Variants in TSPAN8 observed in about 807,000 individuals in gnomAD.
The protein encoded by TSPAN8 is tetraspanin-8.
Under a neutral mutation model 32.8 loss-of-function variants are expected in TSPAN8, and 21 were observed. That is an observed-to-expected ratio of 0.64 (90% CI 0.45 to 0.92). The LOEUF is 0.92. TSPAN8 is among the 40% of genes least tolerant of loss of function. TSPAN8 has a pLI of 0.00. For missense variants in TSPAN8, 269 were observed against 281.9 expected (o/e 0.95, Z 0.33); for synonymous variants, 95 against 94.6 (o/e 1.00, Z -0.03).
In TSPAN8 at chr12:71,139,814, T is replaced by C. The variant is rs966978961; in HGVS notation, c.158A>G (p.Tyr53Cys). ...AGCAATCAATATGTCCACAGCAACGTAGGAGCTAGAGCCTACATCTTCAGA... is the reference window on the plus strand; with the variant it reads ...AGCAATCAATATGTCCACAGCAACGCAGGAGCTAGAGCCTACATCTTCAGA... ...FGSEDVGSSS[Y>C]VAVDILIAVG... The change falls in exon 4 of 9, where the codon TAC becomes TGC. Residue 53 changes from tyrosine to cysteine, a missense_variant. Physicochemically the swap from Tyr to Cys is radical, Grantham distance 194. Coordinates refer to ENST00000247829, the MANE Select transcript of TSPAN8 (RefSeq NM_004616.3). 4 of 1,613,682 alleles carry C rather than the reference T, an allele frequency of 2.5e-6. No individual in the cohort carries two copies. The African/African-American group carries it at 5.3e-5, about 22-fold the overall frequency.
intron 2 of TSPAN8, 80 bp from the exon 3 acceptor site, chr12:71,144,293 G>A (rs548819944): frequency 2.5e-4 from 324 of 1,280,940 alleles, no homozygotes; most frequent in African/African-American, 5.1e-4. Flanking sequence ...CTATCTATCC[G>A]GTGACAGTAG....
chr12:71,136,360 T>A (rs1565784613), intron 6 of TSPAN8, among the ~76,000 whole-genome samples: 1 of 152,318 alleles, frequency 6.6e-6, no homozygotes, highest in East Asian at 1.9e-4. Context: ...ATTAGTAAAC[T>A]TTCACCTCTT....
In TSPAN8 at chr12:71,125,232, C is replaced by A; in HGVS notation, c.*102G>T. ...AGCTAGCCGAGACATTTTAAAAAGA[C>A]AGCTGCTCCTGACTTATATAGCACT... On this transcript the variant is annotated 3_prime_UTR_variant, in exon 9 of 9. Transcript: ENST00000247829. 1.0e-6 allele frequency: 1 copy of A among 954,910 alleles called. No homozygotes were observed. Among genetic ancestry groups the A allele is most frequent in the Non-Finnish European group, 1.6e-6 (1 of 626,332 alleles). The allele number at this position is 954,910 out of a possible 1,614,324, so 59.2% of individuals were successfully genotyped here. A position where few individuals can be genotyped will look rare whatever the true frequency, so the allele number is the denominator to read the frequency against.
chr12:71,138,135 T>G (rs751423068), intron 5 of TSPAN8, 21 bp downstream of exon 5: 3 of 1,611,428 alleles, frequency 1.9e-6, no homozygotes, highest in Non-Finnish European at 2.5e-6. Flanking sequence ...CTTCAAAATT[T>G]TCAAACATCT....
intron 3 of TSPAN8, among the ~76,000 whole-genome samples, chr12:71,143,140 G>C (rs1358910898): frequency 6.6e-6 from 1 of 152,218 alleles, no homozygotes; most frequent in Non-Finnish European, 1.5e-5. Context: ...AGCAGTAGAA[G>C]AGGTGATCCT....
rs1190687236 is a variant in TSPAN8, at chr12:71,144,063, T to C, written c.123+88A>G. On this transcript the variant is annotated intron_variant, in intron 3 of 8. Transcript: ENST00000247829. The stretch of plus-strand genomic sequence containing the variant: ...GCAGTTAAGAAAAATGTTTTAGACA[T>C]GTTTATTACTATTATTGTTATAACT... The C allele has an allele frequency of 1.1e-5, 13 of 1,158,868 alleles. No individual in the cohort carries two copies. In the East Asian group the frequency reaches 3.4e-4, roughly 30 times the overall value. The allele number at this position is 1,158,868 out of a possible 1,614,324, so 71.8% of individuals were successfully genotyped here. A position where few individuals can be genotyped will look rare whatever the true frequency, so the allele number is the denominator to read the frequency against.
rs150464390 is a variant in TSPAN8, at chr12:71,126,973, T to C, written c.661-1586A>G. Among the ~76,000 whole-genome samples, 694 of 152,228 alleles carry C rather than the reference T, an allele frequency of 4.6e-3. 11 individuals are homozygous for C. Among genetic ancestry groups the C allele is most frequent in the African/African-American group, 0.015 (615 of 41,550 alleles). On this transcript the variant is annotated intron_variant, in intron 8 of 8. Coordinates refer to ENST00000247829, the MANE Select transcript of TSPAN8 (RefSeq NM_004616.3). Reference sequence around the variant, plus strand: ...TGAGAAGAATCCCTTAGGTATATAGTCTTAACATAGCTTTGAAAACAAATA... The same window carrying C: ...TGAGAAGAATCCCTTAGGTATATAGCCTTAACATAGCTTTGAAAACAAATA...
intron 2 of TSPAN8, among the ~76,000 whole-genome samples, chr12:71,152,056 A>T (rs983714709): frequency 9.9e-5 from 15 of 152,252 alleles, no homozygotes; most frequent in African/African-American, 3.6e-4. Flanking sequence ...CAGGAAAAAC[A>T]TGTTAATTGT....
chr12:71,132,845 T>C, intron 6 of TSPAN8, 21 bp from the exon 7 acceptor site: 2 of 1,613,294 alleles, frequency 1.2e-6, no homozygotes, highest in Non-Finnish European at 1.7e-6. Flanking sequence ...AAAGGTAGAA[T>C]GAGAAGCAGT....
intron 2 of TSPAN8, chr12:71,157,299 G>T (rs1872474504): frequency 4.0e-6 from 1 of 252,084 alleles, no homozygotes; most frequent in Non-Finnish European, 7.7e-6. Flanking sequence ...AATTAGGGAG[G>T]CCTGCTTGAT....
intron 6 of TSPAN8, among the ~76,000 whole-genome samples, chr12:71,136,053 G>A (rs1206865199): frequency 6.6e-6 from 1 of 151,460 alleles, no homozygotes; most frequent in Non-Finnish European, 1.5e-5. Context: ...TTTACAAGCT[G>A]GCATCTACCC....
intron 2 of TSPAN8, among the ~76,000 whole-genome samples, chr12:71,152,461 A>G (rs971258056): frequency 6.6e-6 from 1 of 152,244 alleles, no homozygotes; most frequent in Non-Finnish European, 1.5e-5. Context: ...ACATTTATCT[A>G]GTTAATTCCT....
chr12:71,151,513 T>A (rs1872255186), intron 2 of TSPAN8, among the ~76,000 whole-genome samples: 1 of 152,216 alleles, frequency 6.6e-6, no homozygotes, highest in Non-Finnish European at 1.5e-5. Flanking sequence ...TCAAAACATG[T>A]AGAGAGAGAT....
At chr12:71,144,575 A>G (rs1404330691) in intron 2 of TSPAN8, among the ~76,000 whole-genome samples, 1 of 152,192 alleles carries the variant, frequency 6.6e-6, no homozygotes. Flanking sequence ...TATCCTTATC[A>G]TGCCTCTGGG....
chr12:71,154,902 G>T (rs1872374919), intron 2 of TSPAN8, among the ~76,000 whole-genome samples: 1 of 152,172 alleles, frequency 6.6e-6, no homozygotes. Context: ...CATTTCAAAA[G>T]AACTTGAGTC....
chr12:71,153,917 C>G (rs1872336383), intron 2 of TSPAN8, among the ~76,000 whole-genome samples: 1 of 152,154 alleles, frequency 6.6e-6, no homozygotes, highest in Non-Finnish European at 1.5e-5. Flanking sequence ...TAGGAATCAC[C>G]AAGGCACGTT....
In TSPAN8 at chr12:71,132,680, A is replaced by G. The variant is rs939292049; in HGVS notation, c.576+13T>C. On this transcript the variant is annotated intron_variant, in intron 7 of 8. Transcript: ENST00000247829. ...AGAATTGCTTATTGTACCAAATGTGATTTAGTTCTCACCTCTTTGTAAACT... is the reference window on the plus strand; with the variant it reads ...AGAATTGCTTATTGTACCAAATGTGGTTTAGTTCTCACCTCTTTGTAAACT... 7 of 1,612,256 alleles carry G rather than the reference A, an allele frequency of 4.3e-6. No individual in the cohort carries two copies. In the African/African-American group the frequency reaches 9.4e-5, roughly 22 times the overall value.
rs753586546 is a variant in TSPAN8, at chr12:71,137,807, AT to A, written c.444+145del. ...GAGAAAGTAATTACAAATATCTTAG[AT>A]TTTTCTTATTGCATGGTGACAGAAT... On this transcript the variant is annotated intron_variant, in intron 6 of 8. Coordinates refer to ENST00000247829, the MANE Select transcript of TSPAN8 (RefSeq NM_004616.3). 2.3e-3 allele frequency: 1,576 copies of A among 685,264 alleles called. 4 individuals carry two copies. The highest frequency in any genetic ancestry group is 3.2e-3 in the Non-Finnish European group (1,331 of 422,454). 42.4% of individuals were successfully genotyped at this position (685,264 alleles called of 1,614,324 possible).
chr12:71,140,196 T>G (rs61226448), intron 3 of TSPAN8, among the ~76,000 whole-genome samples: 1 of 152,214 alleles, frequency 6.6e-6, no homozygotes, highest in African/African-American at 2.4e-5. Context: ...TAAAAGCATG[T>G]GTTGTTATGG....
Sources: gnomAD v4.1 joint callset for allele counts (sites outside exome capture counted in the v4.1 genomes callset) on GRCh38, gnomAD v4.1.1 for gene constraint, MANE v1.5 for transcripts, NCBI Gene and HGNC (gene_info 2026-07-23, HGNC 2026-07-21) for gene names.